MYO5B: variants seen among roughly 807,000 people sequenced by gnomAD.
The protein encoded by MYO5B is myosin VB.
In MYO5B, 143 loss-of-function variants were observed where a neutral mutation model predicts 229.3. The observed-to-expected ratio is 0.62, with a 90% CI of 0.54 to 0.72. MYO5B has a LOEUF of 0.72. Among genes scored for constraint, MYO5B ranks in the 30% least tolerant of loss-of-function variants. The pLI is 0.00. For synonymous variants in MYO5B, 918 were observed against 885.2 expected, an observed-to-expected ratio of 1.04 and a Z score of -0.66; for missense variants, 2,321 against 2,331.0, an observed-to-expected ratio of 1.00 and a Z score of 0.09.
chr18:50,089,741 A>C (rs756704708), intron 1 of MYO5B, among the ~76,000 whole-genome samples: 1 of 152,184 alleles, frequency 6.6e-6, no homozygotes, highest in African/African-American at 2.4e-5. Context: ...CGTTTCTTGT[A>C]AAGTCCTGGC....
At chr18:50,071,315 C>T (rs1007928142) in intron 1 of MYO5B, among the ~76,000 whole-genome samples, 2 of 152,182 alleles carry the variant, frequency 1.3e-5, no homozygotes, top group African/African-American at 2.4e-5. Context: ...TTTACTATAA[C>T]AGCCTTGAAT....
Position 49,886,786 on chromosome 18 carries a change from G to A in MYO5B, c.3046-6331C>T, listed in dbSNP as rs199882975. On this transcript the variant is annotated intron_variant, in intron 22 of 39. Transcript: ENST00000285039. ...GACCGAGAGTGACGACGTTTTATCC[G>A]TAGAGGCACCCACTCACCAAGCCTA... is the stretch of plus-strand genomic sequence containing the variant. Among the ~76,000 whole-genome samples the A allele has an allele frequency of 1.1e-4, 17 of 152,140 alleles. No individual in the cohort carries two copies. In the East Asian group the frequency reaches 1.2e-3, roughly 10 times the overall value.
At chr18:49,898,255 T>C (rs886578184) in intron 21 of MYO5B, among the ~76,000 whole-genome samples, 1 of 152,204 alleles carries the variant, frequency 6.6e-6, no homozygotes, top group Non-Finnish European at 1.5e-5. Context: ...CATGATTACA[T>C]ATAACGAATT....
intron 1 of MYO5B, among the ~76,000 whole-genome samples, chr18:50,184,071 TC>T: frequency 6.6e-6 from 1 of 152,310 alleles, no homozygotes; most frequent in African/African-American, 2.4e-5. Context: ...TTACCTAGTC[TC>T]GGGTATTCTG....
intron 18 of MYO5B, among the ~76,000 whole-genome samples, chr18:49,911,160 G>A (rs2024953281): frequency 6.6e-6 from 1 of 152,156 alleles, no homozygotes; most frequent in South Asian, 2.1e-4. Context: ...GCTAGGCCTG[G>A]GCTCCACATC....
At chr18:50,028,915 C>A (rs2026360120) in intron 4 of MYO5B, among the ~76,000 whole-genome samples, 2 of 152,204 alleles carry the variant, frequency 1.3e-5, no homozygotes, top group South Asian at 4.1e-4. Context: ...AGATATGCAA[C>A]TGTTAATAAT....
chr18:49,990,375 C>T lies in MYO5B; in HGVS notation c.838+64G>A, dbSNP rs1040137691. ...TGACGGAGGGCTTTGAGCAGAGCCC[C>T]CAGCTGTGCACCCGCTGGAGCAGTA... On this transcript the variant is annotated intron_variant, in intron 7 of 39. Transcript: ENST00000285039. The T allele has an allele frequency of 7.1e-6, 10 of 1,403,162 alleles. 1 individual carries two copies. Among genetic ancestry groups the T allele is most frequent in the Admixed American group, 5.0e-5 (3 of 59,422 alleles). 86.9% of individuals were successfully genotyped at this position (1,403,162 alleles called of 1,614,324 possible).
intron 14 of MYO5B, among the ~76,000 whole-genome samples, chr18:49,943,187 A>T (rs1174292992): frequency 1.6e-5 from 2 of 124,072 alleles, no homozygotes; most frequent in Non-Finnish European, 3.2e-5. Flanking sequence ...GGACACAGGA[A>T]GGGGAACATC....
At chr18:50,070,279 C>A (rs2030924870) in intron 1 of MYO5B, among the ~76,000 whole-genome samples, 1 of 152,086 alleles carries the variant, frequency 6.6e-6, no homozygotes, top group South Asian at 2.1e-4. Flanking sequence ...ACGCCTCAGC[C>A]TCCCAAAGTG....
chr18:49,908,133 G>A (rs1281363949), intron 18 of MYO5B, among the ~76,000 whole-genome samples: 1 of 152,164 alleles, frequency 6.6e-6, no homozygotes, highest in Non-Finnish European at 1.5e-5. Flanking sequence ...CAGTACCTGC[G>A]CTTCATTCCC....
intron 1 of MYO5B, among the ~76,000 whole-genome samples, chr18:50,132,172 C>T (rs772760568): frequency 5.3e-5 from 8 of 152,140 alleles, no homozygotes; most frequent in Non-Finnish European, 8.8e-5. Context: ...TCCCCCAAAC[C>T]CTCACTTGCT....
intron 4 of MYO5B, among the ~76,000 whole-genome samples, chr18:50,012,986 C>T (rs1183600064): frequency 1.3e-5 from 2 of 152,194 alleles, no homozygotes; most frequent in African/African-American, 2.4e-5. Flanking sequence ...AACTGTGGAA[C>T]TCAGAGCAAG....
At chr18:50,148,780 G>C (rs2032546269) in intron 1 of MYO5B, among the ~76,000 whole-genome samples, 1 of 152,028 alleles carries the variant, frequency 6.6e-6, no homozygotes, top group Admixed American at 6.6e-5. Flanking sequence ...GCACAAGACA[G>C]GGATGCCCTC....
intron 4 of MYO5B, among the ~76,000 whole-genome samples, chr18:50,022,142 C>T (rs956493670): frequency 6.7e-6 from 1 of 149,026 alleles, no homozygotes. Flanking sequence ...TTCCATCTAC[C>T]TAGTTTCCCA....
chr18:50,070,539 T>C (rs1406941728), intron 1 of MYO5B, among the ~76,000 whole-genome samples: 1 of 151,874 alleles, frequency 6.6e-6, no homozygotes, highest in Admixed American at 6.6e-5. Flanking sequence ...GATGCCGCTA[T>C]AACAACATAC....
At chr18:50,047,531 G>T (rs1469680886) in intron 2 of MYO5B, among the ~76,000 whole-genome samples, 1 of 152,174 alleles carries the variant, frequency 6.6e-6, no homozygotes, top group African/African-American at 2.4e-5. Flanking sequence ...AGTCAGTGTG[G>T]CGATTCCTCA....
At chr18:50,144,577 C>A (rs117082222) in intron 1 of MYO5B, among the ~76,000 whole-genome samples, 1,694 of 152,268 alleles carry the variant, frequency 0.011, 17 homozygotes, top group Middle Eastern at 0.017. Context: ...GCTACATATA[C>A]ACAGAACAGT....
chr18:49,949,904 T>C (rs1222236376), intron 14 of MYO5B, among the ~76,000 whole-genome samples: 1 of 152,208 alleles, frequency 6.6e-6, no homozygotes, highest in Non-Finnish European at 1.5e-5. Context: ...AATAGACTCA[T>C]CACTCAGTAA....
At chr18:50,082,337 C>A (rs2031238193) in intron 1 of MYO5B, among the ~76,000 whole-genome samples, 1 of 152,214 alleles carries the variant, frequency 6.6e-6, no homozygotes, top group Non-Finnish European at 1.5e-5. Context: ...TATGGACCAA[C>A]AGGTTGACCT....
Sources: gnomAD v4.1 joint callset for allele counts (sites outside exome capture counted in the v4.1 genomes callset) on GRCh38, gnomAD v4.1.1 for gene constraint, MANE v1.5 for transcripts, NCBI Gene and HGNC (gene_info 2026-07-23, HGNC 2026-07-21) for gene names.